The following NAALADL2 variants were observed in gnomAD, a reference collection of about 807,000 sequenced individuals.
NAALADL2 encodes inactive N-acetylated-alpha-linked acidic dipeptidase-like protein 2.
Under a neutral mutation model 87.2 loss-of-function variants are expected in NAALADL2, and 76 were observed. The observed-to-expected ratio is 0.87, with a 90% confidence interval of 0.72 to 1.05. The LOEUF is 1.05. Among genes scored for constraint, NAALADL2 ranks in the 50% least tolerant of loss-of-function variants. The probability of loss-of-function intolerance (pLI) is 0.00; values close to 1 mark genes in which losing one functional copy is unlikely to be tolerated. For synonymous variants in NAALADL2, 354 were observed against 331.0 expected, an observed-to-expected ratio of 1.07 and a Z score of -0.75; for missense variants, 1,089 against 945.8, an observed-to-expected ratio of 1.15 and a Z score of -1.99.
intron 2 of NAALADL2, among the ~76,000 whole-genome samples, chr3:174,671,705 T>C (rs1248289113): frequency 1.3e-5 from 2 of 152,096 alleles, no homozygotes; most frequent in East Asian, 3.9e-4. Flanking sequence ...GGTTAAAACA[T>C]TTACACTTGT....
intron 5 of NAALADL2, among the ~76,000 whole-genome samples, chr3:175,439,977 A>G (rs1215145427): frequency 6.6e-6 from 1 of 152,062 alleles, no homozygotes. Flanking sequence ...AGTGTCTAGA[A>G]GGGTTTTTTC....
At chr3:174,942,618 GAAATATGTTTTCC>G (rs543535515) in intron 1 of NAALADL2, among the ~76,000 whole-genome samples, 22 of 152,292 alleles carry the variant, frequency 1.4e-4, no homozygotes, top group Admixed American at 5.2e-4. Context: ...ATGATATTCT[GAAATATGTTTTCC>G]AAGTTGTTTG....
At chr3:175,250,289 G>T (rs1748825263) in intron 3 of NAALADL2, among the ~76,000 whole-genome samples, 1 of 144,352 alleles carries the variant, frequency 6.9e-6, no homozygotes, top group Non-Finnish European at 1.5e-5. Context: ...GTGTGTGTGT[G>T]GTGTGTTTGT....
At chr3:174,829,100 G>T (rs557000190) in intron 3 of NAALADL2, among the ~76,000 whole-genome samples, 3,899 of 102,418 alleles carry the variant, frequency 0.038, 60 homozygotes, top group East Asian at 0.071. Context: ...GTTTTTTTTT[G>T]TTGTTGTTGT....
At chr3:175,173,418 C>G (rs1735184756) in intron 2 of NAALADL2, among the ~76,000 whole-genome samples, 1 of 152,074 alleles carries the variant, frequency 6.6e-6, no homozygotes, top group African/African-American at 2.4e-5. Flanking sequence ...GGGAGAATTG[C>G]TTGAGTCTGG....
chr3:174,622,856 T>C (rs1003080640), intron 2 of NAALADL2, among the ~76,000 whole-genome samples: 10 of 151,862 alleles, frequency 6.6e-5, no homozygotes, highest in African/African-American at 1.5e-4. Context: ...CTGGCTAACT[T>C]GGTGAAACCC....
chr3:175,086,056 T>C (rs1033727674), intron 1 of NAALADL2, among the ~76,000 whole-genome samples: 1 of 152,222 alleles, frequency 6.6e-6, no homozygotes, highest in African/African-American at 2.4e-5. Flanking sequence ...TCGTTTTTCA[T>C]AGAGTGTCAG....
chr3:174,661,936 A>C (rs1003495221), intron 2 of NAALADL2, among the ~76,000 whole-genome samples: 1 of 152,152 alleles, frequency 6.6e-6, no homozygotes, highest in South Asian at 2.1e-4. Flanking sequence ...ATAGAAAGCA[A>C]AATACTGCAT....
chr3:174,447,606 A>G (rs56828769), intron 1 of NAALADL2, among the ~76,000 whole-genome samples: 3,129 of 152,206 alleles, frequency 0.021, 111 homozygotes, highest in African/African-American at 0.072. Context: ...TCACGAGGTC[A>G]GGAGATTGAG....
intron 2 of NAALADL2, chr3:175,115,224 T>G (rs1472693212): frequency 2.0e-5 from 3 of 151,640 alleles, no homozygotes; most frequent in African/African-American, 7.2e-5. Context: ...AGAGTAGAGC[T>G]TGCCTTGTCT....
intron 2 of NAALADL2, among the ~76,000 whole-genome samples, chr3:175,197,798 A>C (rs1037892787): frequency 5.9e-5 from 9 of 151,998 alleles, no homozygotes; most frequent in Non-Finnish European, 1.0e-4. Flanking sequence ...GCTCTTATAG[A>C]GAAGTATGGA....
intron 1 of NAALADL2, among the ~76,000 whole-genome samples, chr3:174,900,893 A>G (rs924668914): frequency 6.6e-6 from 1 of 152,086 alleles, no homozygotes; most frequent in Non-Finnish European, 1.5e-5. Context: ...TCCTTCCCCT[A>G]TACTTTGTCA....
intron 5 of NAALADL2, among the ~76,000 whole-genome samples, chr3:175,345,648 A>G (rs1270540932): frequency 1.3e-5 from 2 of 152,154 alleles, no homozygotes; most frequent in Admixed American, 1.3e-4. Flanking sequence ...CCACACAGTG[A>G]TCACAGTGGA....
At chr3:175,182,977 A>G (rs1350807) in intron 2 of NAALADL2, among the ~76,000 whole-genome samples, 110,126 of 151,664 alleles carry the variant, frequency 0.73, 40,642 homozygotes, top group Non-Finnish European at 0.8. Context: ...AGGTAGTGTA[A>G]TGCCTCCAAC....
chr3:174,563,438 C>A (rs2108516441), intron 2 of NAALADL2, among the ~76,000 whole-genome samples: 1 of 151,384 alleles, frequency 6.6e-6, no homozygotes, highest in South Asian at 2.1e-4. Context: ...AAACTCAAAT[C>A]ATACTCTTAA....
In NAALADL2 at chr3:175,063,128, A is replaced by G. The variant is rs538931069; in HGVS notation, c.44-33662A>G. Among the ~76,000 whole-genome samples, 16 of 152,242 alleles carry G rather than the reference A, an allele frequency of 1.1e-4. No homozygotes were observed. In the South Asian group the frequency reaches 1.2e-3, roughly 12 times the overall value. ...TTTGAGAAAGTCAACTAGTAGGTAA[A>G]AGTTCAGGAAAAGGAGACAAAATAA... On this transcript the variant is annotated intron_variant, in intron 1 of 13. Transcript: ENST00000454872.
chr3:175,699,294 T>C (rs1375179777), intron 11 of NAALADL2, among the ~76,000 whole-genome samples: 1 of 151,922 alleles, frequency 6.6e-6, no homozygotes, highest in African/African-American at 2.4e-5. Context: ...ATAATTATTA[T>C]AATTAATTGA....
intron 1 of NAALADL2, among the ~76,000 whole-genome samples, chr3:174,483,555 T>C (rs1302695249): frequency 2.6e-5 from 4 of 152,024 alleles, no homozygotes; most frequent in Non-Finnish European, 5.9e-5. Context: ...ACACAAAGCC[T>C]AACCATATCA....
intron 1 of NAALADL2, among the ~76,000 whole-genome samples, chr3:175,091,891 T>C (rs1299733659): frequency 1.3e-5 from 2 of 151,998 alleles, no homozygotes; most frequent in Non-Finnish European, 2.9e-5. Context: ...AGGCATTTGG[T>C]ACACAGCTTT....
Sources: gnomAD v4.1 joint callset for allele counts (sites outside exome capture counted in the v4.1 genomes callset) on GRCh38, gnomAD v4.1.1 for gene constraint, MANE v1.5 for transcripts, NCBI Gene and HGNC (gene_info 2026-07-23, HGNC 2026-07-21) for gene names.